The following GNG7 variants were observed in gnomAD, a reference collection of about 807,000 sequenced individuals.
The protein encoded by GNG7 is guanine nucleotide-binding protein G(I)/G(S)/G(O) subunit gamma-7.
GNG7 carries 1 observed loss-of-function variant against 4.0 expected under a neutral mutation model. That is an observed-to-expected ratio of 0.25 (90% confidence interval 0.09 to 1.18). GNG7 has a LOEUF of 1.18. GNG7 is among the 50% of genes most tolerant of loss of function. The pLI, the probability that GNG7 is intolerant of heterozygous loss-of-function variation, is 0.50. For synonymous variants in GNG7, 34 were observed against 36.9 expected, an observed-to-expected ratio of 0.92 and a Z score of 0.29; for missense variants, 86 against 91.9, an observed-to-expected ratio of 0.94 and a Z score of 0.26.
At chr19:2,699,392 A>G (rs1418259239) in intron 1 of GNG7, among the ~76,000 whole-genome samples, 3 of 151,918 alleles carry the variant, frequency 2.0e-5, no homozygotes, top group Admixed American at 1.3e-4. Flanking sequence ...CAAGTGATCC[A>G]CCCACTTCGG....
Position 2,613,636 on chromosome 19 carries a change from C to CG in GNG7, c.-78+32587dup, listed in dbSNP as rs535417092. Among the ~76,000 whole-genome samples the CG allele has an allele frequency of 2.4e-4, 36 of 151,602 alleles. 1 individual carries two copies. The South Asian group carries it at 3.8e-3, about 16-fold the overall frequency. Reference sequence around the variant, plus strand: ...AATCTGTGGATTCCCCTAACCTGGGCGGGGGGTCTCAATCAGGGGTGATCC... The same window carrying CG: ...AATCTGTGGATTCCCCTAACCTGGGCGGGGGGGTCTCAATCAGGGGTGATCC... On this transcript the variant is annotated intron_variant, in intron 2 of 4. Transcript: ENST00000382159.
intron 2 of GNG7, among the ~76,000 whole-genome samples, chr19:2,592,558 G>A (rs1019854126): frequency 5.0e-4 from 76 of 151,844 alleles, no homozygotes; most frequent in African/African-American, 1.8e-3. Flanking sequence ...AACATAGCAA[G>A]ATCCTATCTC....
At chr19:2,585,622 C>T (rs1980648503) in intron 2 of GNG7, among the ~76,000 whole-genome samples, 1 of 152,188 alleles carries the variant, frequency 6.6e-6, no homozygotes, top group African/African-American at 2.4e-5. Context: ...ATTGGGATTA[C>T]CAGGGGAACT....
At chr19:2,582,040 G>A (rs528255956) in intron 2 of GNG7, among the ~76,000 whole-genome samples, 31 of 152,238 alleles carry the variant, frequency 2.0e-4, no homozygotes, top group Non-Finnish European at 2.8e-4. Context: ...CCAAAGGGAC[G>A]AGAGACAAAA....
intron 2 of GNG7, among the ~76,000 whole-genome samples, chr19:2,598,565 G>A (rs2144809493): frequency 1.3e-5 from 2 of 152,008 alleles, no homozygotes; most frequent in South Asian, 2.1e-4. Context: ...GCTGAGGCAG[G>A]AGAATGGTGT....
intron 2 of GNG7, among the ~76,000 whole-genome samples, chr19:2,566,230 G>A (rs903321523): frequency 2.0e-5 from 3 of 152,156 alleles, no homozygotes; most frequent in Non-Finnish European, 2.9e-5. Context: ...ACGGGAGGGA[G>A]AATGCTGTAT....
chr19:2,635,927 G>A (rs1446798362), intron 2 of GNG7, among the ~76,000 whole-genome samples: 2 of 152,170 alleles, frequency 1.3e-5, no homozygotes, highest in Admixed American at 6.5e-5. Context: ...AGTGATATTT[G>A]GGGACATTTG....
intron 3 of GNG7, among the ~76,000 whole-genome samples, chr19:2,547,387 G>A (rs1305393923): frequency 6.6e-6 from 1 of 151,990 alleles, no homozygotes; most frequent in Non-Finnish European, 1.5e-5. Context: ...TCGCCTAGAG[G>A]TGCCCGTATC....
intron 3 of GNG7, among the ~76,000 whole-genome samples, chr19:2,531,126 T>C (rs1978568210): frequency 6.6e-6 from 1 of 151,938 alleles, no homozygotes; most frequent in African/African-American, 2.4e-5. Flanking sequence ...GTCAACATGG[T>C]GAAACCCCGT....
chr19:2,527,775 C>CA (rs1555691022), intron 3 of GNG7, among the ~76,000 whole-genome samples: 3 of 87,300 alleles, frequency 3.4e-5, no homozygotes, highest in African/African-American at 2.9e-4. Context: ...TGCCAGGAAA[C>CA]CCCCCCCCCC....
intron 2 of GNG7, among the ~76,000 whole-genome samples, chr19:2,583,638 T>C (rs1342534913): frequency 2.0e-5 from 3 of 152,122 alleles, no homozygotes; most frequent in Non-Finnish European, 2.9e-5. Context: ...TGTGCAGAGG[T>C]GCATATGCAA....
At chr19:2,562,442 C>T (rs1405446621) in intron 2 of GNG7, among the ~76,000 whole-genome samples, 2 of 152,088 alleles carry the variant, frequency 1.3e-5, no homozygotes, top group Non-Finnish European at 2.9e-5. Flanking sequence ...AGCCACCGCG[C>T]CCCGCTCCTT....
chr19:2,640,107 A>AGGAG (rs1413924744), intron 2 of GNG7, among the ~76,000 whole-genome samples: 1 of 63,472 alleles, frequency 1.6e-5, no homozygotes, highest in African/African-American at 6.2e-5. Flanking sequence ...GAGGGAGGGA[A>AGGAG]GGAGGGAGGG....
chr19:2,637,212 T>TTC (rs111665515), intron 2 of GNG7, among the ~76,000 whole-genome samples: 2 of 150,846 alleles, frequency 1.3e-5, no homozygotes, highest in South Asian at 4.2e-4. Flanking sequence ...AGGAACAGGC[T>TTC]CCCCCCGCCC....
chr19:2,556,381 G>C (rs572734394), intron 2 of GNG7, among the ~76,000 whole-genome samples: 1 of 152,328 alleles, frequency 6.6e-6, no homozygotes, highest in African/African-American at 2.4e-5. Flanking sequence ...TCGAGGCCGG[G>C]CTGGGCCGGG....
chr19:2,661,284 A>AGGAAGGAG (rs1568277702), intron 1 of GNG7, among the ~76,000 whole-genome samples: 15 of 56,434 alleles, frequency 2.7e-4, no homozygotes, highest in African/African-American at 1.2e-3. Flanking sequence ...GAAAGAAAGA[A>AGGAAGGAG]AGAAAGAAAG....
chr19:2,593,709 A>C (rs1283477727), intron 2 of GNG7, among the ~76,000 whole-genome samples: 1 of 149,668 alleles, frequency 6.7e-6, no homozygotes, highest in Non-Finnish European at 1.5e-5. Context: ...GTGCCACTGC[A>C]CTCCTGCCTG....
chr19:2,662,334 G>A (rs1983203120), intron 1 of GNG7, among the ~76,000 whole-genome samples: 1 of 150,590 alleles, frequency 6.6e-6, no homozygotes, highest in East Asian at 1.9e-4. Flanking sequence ...CCACACACCA[G>A]CTAGCTGTCC....
At chr19:2,686,243 C>T (rs534153631) in intron 1 of GNG7, among the ~76,000 whole-genome samples, 11 of 152,048 alleles carry the variant, frequency 7.2e-5, no homozygotes, top group African/African-American at 2.2e-4. Flanking sequence ...CTGCAACCTC[C>T]GCCACCCGCG....
Sources: gnomAD v4.1 joint callset for allele counts (sites outside exome capture counted in the v4.1 genomes callset) on GRCh38, gnomAD v4.1.1 for gene constraint, MANE v1.5 for transcripts, NCBI Gene and HGNC (gene_info 2026-07-23, HGNC 2026-07-21) for gene names.